PTPRN2: variants seen among roughly 807,000 people sequenced by gnomAD.
PTPRN2 encodes protein tyrosine phosphatase receptor type N2, also known as receptor-type tyrosine-protein phosphatase N2.
PTPRN2 carries 74 observed loss-of-function variants against 118.8 expected under a neutral mutation model. The observed-to-expected ratio is 0.62, with a 90% confidence interval of 0.52 to 0.76. PTPRN2 has a LOEUF of 0.76. Among genes scored for constraint, PTPRN2 ranks in the 30% least tolerant of loss-of-function variants. PTPRN2 has a pLI of 0.00. For synonymous variants in PTPRN2, 641 were observed against 608.0 expected (o/e 1.05, Z -0.80); for missense variants, 1,481 against 1,394.4 (o/e 1.06, Z -0.99).
At chr7:158,186,897 T>C (rs1825213193) in intron 5 of PTPRN2, among the ~76,000 whole-genome samples, 1 of 152,274 alleles carries the variant, frequency 6.6e-6, no homozygotes, top group Non-Finnish European at 1.5e-5. Context: ...ATTTCTTGTA[T>C]GTTAAATATG....
At chr7:158,002,665 A>C (rs1487200309) in intron 11 of PTPRN2, among the ~76,000 whole-genome samples, 1 of 152,160 alleles carries the variant, frequency 6.6e-6, no homozygotes, top group East Asian at 1.9e-4. Flanking sequence ...GGAGCCTGGG[A>C]AATGTCCAGG....
chr7:158,328,115 T>A (rs1323941611), intron 2 of PTPRN2, among the ~76,000 whole-genome samples: 1 of 152,170 alleles, frequency 6.6e-6, no homozygotes, highest in South Asian at 2.1e-4. Flanking sequence ...GTGCTCCCAT[T>A]CTGCAAGGAA....
intron 12 of PTPRN2, among the ~76,000 whole-genome samples, chr7:157,855,355 T>A (rs1809633223): frequency 6.6e-6 from 1 of 152,170 alleles, no homozygotes; most frequent in South Asian, 2.1e-4. Context: ...AGCAACAAGT[T>A]TCCTGGGGTC....
intron 12 of PTPRN2, among the ~76,000 whole-genome samples, chr7:157,817,570 G>A (rs570305473): frequency 1.2e-4 from 19 of 152,310 alleles, no homozygotes; most frequent in Non-Finnish European, 2.4e-4. Flanking sequence ...CACCACATCT[G>A]TCCTCAGGGA....
intron 10 of PTPRN2, among the ~76,000 whole-genome samples, chr7:158,102,931 C>T (rs1438963877): frequency 1.3e-5 from 2 of 152,174 alleles, no homozygotes; most frequent in Non-Finnish European, 2.9e-5. Context: ...ACCTCATGCT[C>T]CTCAGCGGCA....
intron 12 of PTPRN2, among the ~76,000 whole-genome samples, chr7:157,789,265 C>T (rs540034694): frequency 4.6e-5 from 7 of 152,284 alleles, no homozygotes; most frequent in Non-Finnish European, 1.0e-4. Context: ...TTGTACTCTC[C>T]GCTCCCTCGA....
Position 157,583,569 on chromosome 7 carries a change from T to C in PTPRN2, c.2497-5429A>G, listed in dbSNP as rs1283755650. ...CTGCGTGTGTCAGAACATCAGGCTG[T>C]ACACCTTAAACATTTACAATTAAAA... On this transcript the variant is annotated intron_variant, in intron 17 of 22. Coordinates refer to ENST00000389418, the MANE Select transcript of PTPRN2 (RefSeq NM_002847.5). The surrounding 1 kb of genome is among the most constrained non-coding windows in gnomAD (Gnocchi z 5.5). Among the ~76,000 whole-genome samples the C allele has an allele frequency of 6.6e-6, 1 of 151,594 alleles. No homozygotes were observed. Among genetic ancestry groups the C allele is most frequent in the East Asian group, 1.9e-4 (1 of 5,198 alleles).
chr7:158,023,158 T>C (rs1419782336), intron 11 of PTPRN2, among the ~76,000 whole-genome samples: 1 of 152,226 alleles, frequency 6.6e-6, no homozygotes, highest in African/African-American at 2.4e-5. Flanking sequence ...AAAACCACTT[T>C]AATGAATTCA....
chr7:158,338,605 G>A (rs1208171953), intron 2 of PTPRN2, among the ~76,000 whole-genome samples: 1 of 34,452 alleles, frequency 2.9e-5, no homozygotes, highest in Non-Finnish European at 5.0e-5. Flanking sequence ...AAGAGCTGAG[G>A]CCCACAGAGG....
intron 2 of PTPRN2, among the ~76,000 whole-genome samples, chr7:158,329,425 G>A (rs905238356): frequency 2.0e-4 from 30 of 152,202 alleles, no homozygotes; most frequent in African/African-American, 6.5e-4. Context: ...AACCAGCCCC[G>A]GGTGCTGCTG....
intron 2 of PTPRN2, among the ~76,000 whole-genome samples, chr7:158,374,085 C>T (rs1194821189): frequency 1.3e-5 from 2 of 152,196 alleles, no homozygotes; most frequent in Non-Finnish European, 2.9e-5. Flanking sequence ...GGCAGCGGGC[C>T]CTTCTGACCC....
intron 12 of PTPRN2, among the ~76,000 whole-genome samples, chr7:157,727,146 T>A (rs1799648851): frequency 6.6e-6 from 1 of 152,138 alleles, no homozygotes; most frequent in Admixed American, 6.5e-5. Flanking sequence ...GGAGAACAAC[T>A]GAAAGCAGGG....
chr7:157,931,445 G>A (rs965361820), intron 11 of PTPRN2, among the ~76,000 whole-genome samples: 8 of 152,172 alleles, frequency 5.3e-5, no homozygotes, highest in Non-Finnish European at 1.0e-4. Context: ...ACAGAGGCAC[G>A]GAACCCAGTC....
intron 21 of PTPRN2, among the ~76,000 whole-genome samples, chr7:157,558,886 C>T (rs969576663): frequency 5.3e-5 from 8 of 152,234 alleles, no homozygotes; most frequent in African/African-American, 1.7e-4. Flanking sequence ...GACTCAGTTC[C>T]GTGGCTTACA....
chr7:157,926,022 T>C (rs1798962920), intron 11 of PTPRN2, among the ~76,000 whole-genome samples: 1 of 139,594 alleles, frequency 7.2e-6, no homozygotes, highest in African/African-American at 2.7e-5. Context: ...AAAATTAGTT[T>C]AGACTTTATT....
At chr7:158,315,702 C>T (rs1375163166) in intron 3 of PTPRN2, among the ~76,000 whole-genome samples, 1 of 152,192 alleles carries the variant, frequency 6.6e-6, no homozygotes, top group Non-Finnish European at 1.5e-5. Context: ...GCTGGAGGGC[C>T]AGGGACTCGG....
chr7:158,443,721 CTAAAAG>C (rs1172366649), intron 2 of PTPRN2, among the ~76,000 whole-genome samples: 1 of 152,170 alleles, frequency 6.6e-6, no homozygotes. Flanking sequence ...GAGGTCCTTC[CTAAAAG>C]TAAGACTCAG....
At position 158,314,365 on chromosome 7, in the gene PTPRN2, C is replaced by T. The variant is rs146139959; in HGVS notation, c.277+2454G>A. ...CACAGAGTAAGGCTCACAAGACAAG[C>T]AAACTCAGAAAATGTGACACAGTTG... On this transcript the variant is annotated intron_variant, in intron 3 of 22. Coordinates refer to ENST00000389418, the MANE Select transcript of PTPRN2 (RefSeq NM_002847.5). 2.0e-5 allele frequency among the ~76,000 whole-genome samples: 3 copies of T among 152,352 alleles called. No individual in the cohort carries two copies. In the East Asian group the frequency reaches 5.8e-4, roughly 29 times the overall value.
At chr7:157,755,217 GA>G (rs1376447738) in intron 12 of PTPRN2, among the ~76,000 whole-genome samples, 1 of 152,144 alleles carries the variant, frequency 6.6e-6, no homozygotes, top group African/African-American at 2.4e-5. Context: ...AAATCTTTAT[GA>G]AAGATGTAAA....
Sources: allele counts gnomAD v4.1 joint callset (sites outside exome capture counted in the v4.1 genomes callset), GRCh38; gene constraint gnomAD v4.1.1; non-coding constraint Gnocchi (gnomAD v3.1); transcripts MANE v1.5; gene names NCBI Gene and HGNC (gene_info 2026-07-23, HGNC 2026-07-21).